The following PIK3C2G variants were observed in gnomAD, a reference collection of about 807,000 sequenced individuals.
PIK3C2G encodes the protein phosphatidylinositol 3-kinase C2 domain-containing subunit gamma.
A neutral mutation model predicts 181.1 loss-of-function variants in PIK3C2G; 168 were observed. The ratio of observed to expected loss-of-function variants is 0.93; its 90% CI spans 0.82 to 1.05. PIK3C2G has a LOEUF of 1.05. Among genes scored for constraint, PIK3C2G ranks in the 50% least tolerant of loss-of-function variants. The probability of loss-of-function intolerance (pLI) is 0.00; values close to 1 mark genes in which losing one functional copy is unlikely to be tolerated. For missense variants in PIK3C2G, 1,869 were observed against 1,732.8 expected, an observed-to-expected ratio of 1.08 and a Z score of -1.40; for synonymous variants, 573 against 592.2, an observed-to-expected ratio of 0.97 and a Z score of 0.47.
At position 18,498,971 on chromosome 12, in the gene PIK3C2G, A is replaced by T. The variant is rs533634623; in HGVS notation, c.3016+1223A>T. 2.0e-5 allele frequency among the ~76,000 whole-genome samples: 3 copies of T among 152,338 alleles called. No homozygotes were observed. The South Asian group carries it at 6.2e-4, about 32-fold the overall frequency. On this transcript the variant is annotated intron_variant, in intron 22 of 32. Coordinates refer to ENST00000538779, the MANE Select transcript of PIK3C2G (RefSeq NM_001288772.2). The stretch of plus-strand genomic sequence containing the variant: ...TATCCTAAAATGCTGAAATAGAATA[A>T]TGCTACATAATCCAAGCTGAGATCT...
intron 8 of PIK3C2G, among the ~76,000 whole-genome samples, chr12:18,334,006 GATTA>G (rs1480359216): frequency 1.3e-5 from 2 of 152,124 alleles, no homozygotes; most frequent in African/African-American, 4.8e-5. Context: ...TTTCAAGTAT[GATTA>G]ATTAATTCTA....
At chr12:18,465,514 T>A (rs1361248755) in intron 18 of PIK3C2G, among the ~76,000 whole-genome samples, 5 of 151,900 alleles carry the variant, frequency 3.3e-5, no homozygotes, top group Non-Finnish European at 7.4e-5. Context: ...TGGCCCTTTT[T>A]ATTTTCTAAA....
At chr12:18,438,422 T>C (rs1422500664) in intron 18 of PIK3C2G, among the ~76,000 whole-genome samples, 1 of 151,940 alleles carries the variant, frequency 6.6e-6, no homozygotes, top group Non-Finnish European at 1.5e-5. Flanking sequence ...CTAAGAATTC[T>C]AATCATCTAA....
chr12:18,520,002 TAAAAAA>T (rs889312316), intron 24 of PIK3C2G, among the ~76,000 whole-genome samples: 1 of 46,286 alleles, frequency 2.2e-5, no homozygotes, highest in Non-Finnish European at 4.4e-5. Flanking sequence ...CAATAAATAC[TAAAAAA>T]AAAAAAAAAA....
the PIK3C2G span, among the ~76,000 whole-genome samples, chr12:18,680,683 C>T: frequency 6.6e-6 from 1 of 152,046 alleles, no homozygotes; most frequent in Non-Finnish European, 1.5e-5. Context: ...CAGCCAAAGA[C>T]AACCAGGAAC....
intron 14 of PIK3C2G, 140 bp from the exon 15 acceptor site, chr12:18,390,982 T>C (rs1943497442): frequency 1.9e-6 from 1 of 529,194 alleles, no homozygotes; most frequent in African/African-American, 2.0e-5. Flanking sequence ...TTTTAGAAAT[T>C]ATTTTAAAAT....
At chr12:18,332,396 C>T (rs1938067102) in intron 8 of PIK3C2G, among the ~76,000 whole-genome samples, 1 of 152,138 alleles carries the variant, frequency 6.6e-6, no homozygotes, top group Non-Finnish European at 1.5e-5. Flanking sequence ...ATGAACCAGT[C>T]ACAGCCTTAG....
chr12:18,572,612 G>A (rs956009994), intron 29 of PIK3C2G, among the ~76,000 whole-genome samples: 1 of 151,606 alleles, frequency 6.6e-6, no homozygotes, highest in Admixed American at 6.6e-5. Context: ...TTGAATTTGT[G>A]CTATGATGTC....
intron 11 of PIK3C2G, among the ~76,000 whole-genome samples, chr12:18,355,586 G>A (rs1940647583): frequency 6.6e-6 from 1 of 152,088 alleles, no homozygotes; most frequent in Non-Finnish European, 1.5e-5. Context: ...TGGCCCCAAA[G>A]ACTACCCTGG....
At chr12:18,398,319 T>C (rs1944018326) in intron 15 of PIK3C2G, among the ~76,000 whole-genome samples, 1 of 152,162 alleles carries the variant, frequency 6.6e-6, no homozygotes, top group Non-Finnish European at 1.5e-5. Context: ...TTTTAGTAAT[T>C]TTACTATGGA....
chr12:18,469,668 C>T (rs558525089), intron 18 of PIK3C2G, among the ~76,000 whole-genome samples: 1 of 152,094 alleles, frequency 6.6e-6, no homozygotes, highest in African/African-American at 2.4e-5. Context: ...TCTCTCCCCT[C>T]CACTTCTCTT....
At chr12:18,572,457 A>G (rs1946004558) in intron 29 of PIK3C2G, among the ~76,000 whole-genome samples, 1 of 150,204 alleles carries the variant, frequency 6.7e-6, no homozygotes, top group Admixed American at 6.7e-5. Flanking sequence ...ATATCCATAT[A>G]TCTGCTGATA....
intron 14 of PIK3C2G, among the ~76,000 whole-genome samples, chr12:18,386,220 G>A (rs115513590): frequency 0.012 from 1,785 of 152,220 alleles, 35 homozygotes; most frequent in African/African-American, 0.04. Context: ...GCCCGCTGCC[G>A]TGCACAGTGG....
intron 24 of PIK3C2G, among the ~76,000 whole-genome samples, chr12:18,512,406 C>T (rs566241264): frequency 2.4e-4 from 37 of 151,850 alleles, no homozygotes; most frequent in African/African-American, 6.5e-4. Flanking sequence ...TTGGGTAATA[C>T]GGACATTTTA....
At chr12:18,562,384 G>A (rs575903769) in intron 26 of PIK3C2G, among the ~76,000 whole-genome samples, 3 of 152,044 alleles carry the variant, frequency 2.0e-5, no homozygotes. Context: ...CGCCCGCCTC[G>A]GCCTTCCAAA....
intron 5 of PIK3C2G, among the ~76,000 whole-genome samples, chr12:18,309,124 A>G (rs1481039164): frequency 1.8e-5 from 2 of 109,022 alleles, no homozygotes; most frequent in Admixed American, 9.5e-5. Context: ...TTTAGATACA[A>G]TGTGGAATAT....
chr12:18,686,416 C>T, the PIK3C2G span, among the ~76,000 whole-genome samples: 1 of 152,038 alleles, frequency 6.6e-6, no homozygotes, highest in African/African-American at 2.4e-5. Flanking sequence ...TTATCTCTCA[C>T]TAATCTTTCT....
At chr12:18,538,112 C>G (rs367962883) in intron 24 of PIK3C2G, 44 bp from the exon 25 acceptor site, 2 of 1,559,698 alleles carry the variant, frequency 1.3e-6, no homozygotes, top group African/African-American at 1.4e-5. Context: ...CCTGACAAAC[C>G]ATTTCTCTTC....
intron 5 of PIK3C2G, among the ~76,000 whole-genome samples, chr12:18,312,217 T>G (rs559068061): frequency 6.6e-6 from 1 of 152,168 alleles, no homozygotes; most frequent in South Asian, 2.1e-4. Context: ...AAGTTGACAC[T>G]CAATATTAAC....
Sources: gnomAD v4.1 joint callset for allele counts (sites outside exome capture counted in the v4.1 genomes callset) on GRCh38, gnomAD v4.1.1 for gene constraint, MANE v1.5 for transcripts, NCBI Gene and HGNC (gene_info 2026-07-23, HGNC 2026-07-21) for gene names.